CADM2: variants seen among roughly 807,000 people sequenced by gnomAD.
CADM2 encodes cell adhesion molecule 2, also known as immunoglobulin superfamily member 4D.
Under a neutral mutation model 49.8 loss-of-function variants are expected in CADM2, and 12 were observed. That is an observed-to-expected ratio of 0.24 (90% CI 0.15 to 0.39). The LOEUF (loss-of-function observed/expected upper bound fraction) is 0.39, where lower values mean the gene tolerates loss of function less well. Ranked by LOEUF, CADM2 falls within the 10% of genes least tolerant of loss-of-function variation. CADM2 has a pLI of 1.00. For missense variants in CADM2, 378 were observed against 492.3 expected, an observed-to-expected ratio of 0.77 and a Z score of 2.20; for synonymous variants, 214 against 175.4, an observed-to-expected ratio of 1.22 and a Z score of -1.74.
chr3:85,844,513 A>G (rs2074791935), intron 3 of CADM2, among the ~76,000 whole-genome samples: 1 of 152,190 alleles, frequency 6.6e-6, no homozygotes. Context: ...AGAGTAATGC[A>G]TTAGAAACAA....
At chr3:85,753,239 G>A (rs574079929) in intron 2 of CADM2, among the ~76,000 whole-genome samples, 22 of 151,982 alleles carry the variant, frequency 1.4e-4, no homozygotes, top group South Asian at 6.2e-4. Flanking sequence ...TTAGAAAAGC[G>A]GAAAGACAGT....
intron 1 of CADM2, among the ~76,000 whole-genome samples, chr3:85,511,672 T>C (rs372227932): frequency 1.3e-5 from 2 of 152,050 alleles, no homozygotes; most frequent in East Asian, 1.9e-4. Context: ...CTTTTGACTA[T>C]GCATTTTTGG....
At chr3:86,035,769 C>G (rs948743233) in intron 8 of CADM2, among the ~76,000 whole-genome samples, 7 of 152,058 alleles carry the variant, frequency 4.6e-5, no homozygotes, top group African/African-American at 1.7e-4. Context: ...TCCTAACTTA[C>G]CATTCTTTGT....
chr3:85,483,418 G>A (rs182081642), intron 1 of CADM2, among the ~76,000 whole-genome samples: 1 of 151,134 alleles, frequency 6.6e-6, no homozygotes, highest in Admixed American at 6.6e-5. Flanking sequence ...ATATGCATGT[G>A]TATGTATTAT....
intron 1 of CADM2, among the ~76,000 whole-genome samples, chr3:85,673,380 T>C (rs887971414): frequency 6.6e-6 from 1 of 151,980 alleles, no homozygotes; most frequent in Non-Finnish European, 1.5e-5. Context: ...CAGGGTAGTC[T>C]CCAGGGGCTT....
intron 1 of CADM2, among the ~76,000 whole-genome samples, chr3:85,056,040 T>A (rs1158253832): frequency 1.3e-5 from 2 of 152,082 alleles, no homozygotes; most frequent in Non-Finnish European, 2.9e-5. Flanking sequence ...CAAATCCATA[T>A]AAATGTGAAC....
chr3:85,543,420 A>ATGTGTGTGGGTGTGGGTGTGTG (rs372108050), intron 1 of CADM2, among the ~76,000 whole-genome samples: 1 of 129,584 alleles, frequency 7.7e-6, no homozygotes. Flanking sequence ...TGCCAAGCTA[A>ATGTGTGTGGGTGTGGGTGTGTG]TGTGTGTGTG....
rs148606700 is a variant in CADM2 at position 85,542,603 on chromosome 3, C to T, written c.62-183919C>T. Reference sequence around the variant, plus strand: ...TCTTTATAAACAGTATTTTGAATAGCCTATGCCCTAGCTCTCTTGTTAAGC... The same window carrying T: ...TCTTTATAAACAGTATTTTGAATAGTCTATGCCCTAGCTCTCTTGTTAAGC... On this transcript the variant is annotated intron_variant, in intron 1 of 9. Transcript: ENST00000383699. Among the ~76,000 whole-genome samples the T allele has an allele frequency of 3.4e-3, 520 of 152,224 alleles. 2 individuals are homozygous for T. In the Middle Eastern group the frequency reaches 0.037, roughly 11 times the overall value.
chr3:85,784,417 T>C (rs1432620742), intron 2 of CADM2, among the ~76,000 whole-genome samples: 1 of 151,250 alleles, frequency 6.6e-6, no homozygotes, highest in African/African-American at 2.4e-5. Flanking sequence ...AATTTTTTAA[T>C]GGACTGATTT....
intron 7 of CADM2, among the ~76,000 whole-genome samples, chr3:85,945,807 A>C (rs558255396): frequency 0.033 from 5,076 of 151,836 alleles, 284 homozygotes; most frequent in African/African-American, 0.12. Flanking sequence ...TTATGACAAA[A>C]CCACAGCCAA....
intron 1 of CADM2, among the ~76,000 whole-genome samples, chr3:85,343,631 A>C (rs1441839668): frequency 1.3e-5 from 2 of 152,314 alleles, no homozygotes; most frequent in East Asian, 3.9e-4. Flanking sequence ...GGAATTGTAG[A>C]CTAAAAAGAA....
chr3:84,982,898 A>AT (rs1319732680), intron 1 of CADM2, among the ~76,000 whole-genome samples: 1 of 150,638 alleles, frequency 6.6e-6, no homozygotes, highest in Non-Finnish European at 1.5e-5. Flanking sequence ...GGCGTCCGCC[A>AT]CCATGCCCAG....
At chr3:86,003,417 A>C (rs775167908) in intron 8 of CADM2, among the ~76,000 whole-genome samples, 54 of 152,170 alleles carry the variant, frequency 3.5e-4, no homozygotes, top group Admixed American at 7.2e-4. Flanking sequence ...ACTGTGGAAG[A>C]TCAGCTTAAC....
intron 8 of CADM2, among the ~76,000 whole-genome samples, chr3:86,060,615 A>G (rs565681218): frequency 7.2e-5 from 11 of 152,310 alleles, no homozygotes; most frequent in Admixed American, 6.5e-4. Flanking sequence ...TTTCCTTATA[A>G]ATTACCCAGT....
At chr3:85,508,726 G>A (rs1241663292) in intron 1 of CADM2, among the ~76,000 whole-genome samples, 1 of 152,092 alleles carries the variant, frequency 6.6e-6, no homozygotes, top group African/African-American at 2.4e-5. Context: ...AAGCCCAGTA[G>A]TTTAGGACTT....
intron 8 of CADM2, chr3:86,014,493 C>T (rs769002745): frequency 2.0e-6 from 3 of 1,527,214 alleles, no homozygotes; most frequent in Non-Finnish European, 2.7e-6. Flanking sequence ...AATGAAACTC[C>T]CTGGAAAATA....
rs368023830 is a variant in CADM2 at position 85,228,381 on chromosome 3, C to T, written c.61+268713C>T. On this transcript the variant is annotated intron_variant, in intron 1 of 9. Coordinates refer to ENST00000383699, the MANE Select transcript of CADM2 (RefSeq NM_001167675.2). ...TACTTTATTTCATTAAGTTAATCTT[C>T]AGTCACTGATAACCCTTCTTCTGCT... is the stretch of plus-strand genomic sequence containing the variant. 3.9e-5 allele frequency among the ~76,000 whole-genome samples: 6 copies of T among 151,950 alleles called. No homozygotes were observed. In the East Asian group the frequency reaches 7.8e-4, roughly 20 times the overall value.
At chr3:85,704,398 A>T (rs1264941086) in intron 1 of CADM2, among the ~76,000 whole-genome samples, 1 of 152,140 alleles carries the variant, frequency 6.6e-6, no homozygotes, top group Non-Finnish European at 1.5e-5. Flanking sequence ...AACAGCAAAC[A>T]TTTGTTTCTC....
intron 8 of CADM2, chr3:86,014,943 C>T (rs758403662): frequency 3.6e-5 from 53 of 1,459,052 alleles, no homozygotes; most frequent in Admixed American, 2.4e-4. Context: ...TGGACGAAAG[C>T]GTCTTAAAGC....
Sources: gnomAD v4.1 joint callset for allele counts (sites outside exome capture counted in the v4.1 genomes callset) on GRCh38, gnomAD v4.1.1 for gene constraint, MANE v1.5 for transcripts, NCBI Gene and HGNC (gene_info 2026-07-23, HGNC 2026-07-21) for gene names.